AATK: variants seen among roughly 807,000 people sequenced by gnomAD.
The protein encoded by AATK is serine/threonine-protein kinase LMTK1.
AATK carries 91 observed loss-of-function variants against 114.3 expected under a neutral mutation model. That is an observed-to-expected ratio of 0.80 (90% confidence interval 0.67 to 0.95). AATK has a LOEUF of 0.95. Among genes scored for constraint, AATK ranks in the 40% least tolerant of loss-of-function variants. AATK has a pLI of 0.00. For synonymous variants in AATK, 1,075 were observed against 916.5 expected (o/e 1.17, Z -3.12); for missense variants, 2,176 against 1,965.2 (o/e 1.11, Z -2.03).
chr17:81,153,631 G>A (rs1294961034), intron 1 of AATK, among the ~76,000 whole-genome samples: 10 of 152,242 alleles, frequency 6.6e-5, no homozygotes, highest in South Asian at 2.1e-4. Flanking sequence ...TTGTTGCTCC[G>A]TCACCAGCAC....
At chr17:81,149,625 C>G (rs182284932) in intron 1 of AATK, among the ~76,000 whole-genome samples, 1 of 152,166 alleles carries the variant, frequency 6.6e-6, no homozygotes, top group Non-Finnish European at 1.5e-5. Context: ...GCACTGCCCG[C>G]GGCACCCCCA....
chr17:81,121,039 A>G lies in AATK; in HGVS notation c.2897T>C (p.Leu966Pro). The G allele has an allele frequency of 6.2e-7, 1 of 1,609,446 alleles. No homozygotes were observed. The highest frequency in any genetic ancestry group is 8.5e-7 in the Non-Finnish European group (1 of 1,178,656). The change falls in exon 11 of 14, where the codon CTG becomes CCG. Residue 966 changes from leucine (L) to proline (P), a missense_variant. Around this residue, in one of 4 missense-constraint regions of AATK, gnomAD observed 1,701 missense variants for 1,394.7 expected, o/e 1.22. Coordinates refer to ENST00000326724, the MANE Select transcript of AATK (RefSeq NM_001080395.3). Reference protein sequence around the residue: ...EGCEPQAFAELASEGEGPGPE... With the variant: ...EGCEPQAFAEPASEGEGPGPE... ...CCCGGGGCCCTCACCCTCTGAGGCC[A>G]GCTCCGCAAAGGCCTGGGGCTCACA...
intron 1 of AATK, among the ~76,000 whole-genome samples, chr17:81,142,843 A>C (rs1288186187): frequency 6.7e-6 from 1 of 150,210 alleles, no homozygotes; most frequent in Non-Finnish European, 1.5e-5. Flanking sequence ...TAACCACCCT[A>C]TCCACGGAGG....
chr17:81,160,327 C>T (rs2061415508), intron 1 of AATK: 27 of 906,588 alleles, frequency 3.0e-5, no homozygotes, highest in Non-Finnish European at 3.6e-5. Flanking sequence ...CAGCCCCACC[C>T]AAGGCCGCAG....
In AATK at chr17:81,126,687, C is replaced by G; in HGVS notation, c.622-127G>C. 6.9e-7 allele frequency: 1 copy of G among 1,444,806 alleles called. No individual in the cohort carries two copies. Among genetic ancestry groups the G allele is most frequent in the Non-Finnish European group, 9.1e-7 (1 of 1,097,902 alleles). 89.5% of individuals were successfully genotyped at this position (1,444,806 alleles called of 1,614,324 possible). ...GAGGGACAGCAGCTGCCCAGAGCAG[C>G]CTCGTGCCCTGCACAGTGGCCAGCA... is the stretch of plus-strand genomic sequence containing the variant. On this transcript the variant is annotated intron_variant, in intron 6 of 13. Coordinates refer to ENST00000326724, the MANE Select transcript of AATK (RefSeq NM_001080395.3). The surrounding 1 kb of genome is among the most constrained non-coding windows in gnomAD (Gnocchi z 5.1).
At chr17:81,158,460 C>T (rs1318550292) in intron 1 of AATK, among the ~76,000 whole-genome samples, 1 of 152,246 alleles carries the variant, frequency 6.6e-6, no homozygotes, top group African/African-American at 2.4e-5. Context: ...GCCGCAAGTG[C>T]TCTCACCTCG....
In AATK at chr17:81,151,361, C is replaced by T. The variant is rs543070196; in HGVS notation, c.55+14577G>A. ...ATCCCCCAGAAATGAAAGGACAGACCCTGTGCCTGGGATCAAGCATTAACT... is the reference window on the plus strand; with the variant it reads ...ATCCCCCAGAAATGAAAGGACAGACTCTGTGCCTGGGATCAAGCATTAACT... On this transcript the variant is annotated intron_variant, in intron 1 of 13. Transcript: ENST00000326724. Among the ~76,000 whole-genome samples the T allele has an allele frequency of 1.2e-3, 185 of 148,444 alleles. 1 individual carries two copies. Among genetic ancestry groups the T allele is most frequent in the Non-Finnish European group, 2.2e-3 (151 of 67,346 alleles).
chr17:81,131,216 G>T lies in AATK; in HGVS notation c.190-11C>A. On this transcript the variant is annotated splice_polypyrimidine_tract_variant and intron_variant, in intron 2 of 13. Transcript: ENST00000326724. ...CGCATTCTCAAACTCCTGCGGGCCG[G>T]GCCGGGCATGAGCGGGGCTTCTCGC... is the stretch of plus-strand genomic sequence containing the variant. The T allele has an allele frequency of 1.3e-6, 2 of 1,566,084 alleles. No homozygotes were observed. Among genetic ancestry groups the T allele is most frequent in the Non-Finnish European group, 1.7e-6 (2 of 1,160,024 alleles).
In AATK at chr17:81,121,451, G is replaced by A. The variant is rs2060698622; in HGVS notation, c.2485C>T (p.Pro829Ser). The A allele has an allele frequency of 4.4e-6, 7 of 1,592,970 alleles. No individual in the cohort carries two copies. The Admixed American group carries it at 6.9e-5, about 16-fold the overall frequency. ...GCAGACACCTCGCCACCAGTAGCAG[G>A]CGTGGGAGAGTCAGGCAGGGCATCA... is the stretch of plus-strand genomic sequence containing the variant. ...APDALPDSPTPATGGEVSAIK... is the reference protein window; with the variant it reads ...APDALPDSPTSATGGEVSAIK... Residue 829 changes from proline to serine, a missense_variant, in exon 11 of 14, where the codon CCT (proline) becomes TCT (serine). Physicochemically the swap from Pro to Ser is moderately conservative, Grantham distance 74. This residue lies in a region of AATK where 1,701 missense variants were observed against 1,394.7 expected (regional missense o/e 1.22). Coordinates refer to ENST00000326724, the MANE Select transcript of AATK (RefSeq NM_001080395.3).
Position 81,119,476 on chromosome 17 carries a change from T to C in AATK, c.3988A>G (p.Thr1330Ala), listed in dbSNP as rs748925031. 2 of 1,507,724 alleles carry C rather than the reference T, an allele frequency of 1.3e-6. No individual in the cohort carries two copies. The highest frequency in any genetic ancestry group is 1.8e-6 in the Non-Finnish European group (2 of 1,131,186). The allele number at this position is 1,507,724 out of a possible 1,614,324, so 93.4% of individuals were successfully genotyped here. Residue 1330 changes from threonine to alanine, a missense_variant, in exon 13 of 14, where the codon ACG becomes GCG. Physicochemically the swap from Thr to Ala is moderately conservative, Grantham distance 58 (BLOSUM62 0). Transcript: ENST00000326724. ...GTGAAGCGCGAGAAGGGAGCGGGCG[T>C]GGGCGTGGGCGCAGCCGGGGCGGGT... ...AAPAPAAPTP[T>A]PAPFSRFTVS...
rs2060830491 is a variant in AATK at position 81,126,627 on chromosome 17, C to G, written c.622-67G>C. ...GCTGGCCACCCTGGGAGGTCCCCACCTACCTCCCCAACTCCTCCACCCCTA... is the reference window on the plus strand; with the variant it reads ...GCTGGCCACCCTGGGAGGTCCCCACGTACCTCCCCAACTCCTCCACCCCTA... On this transcript the variant is annotated intron_variant, in intron 6 of 13. Coordinates refer to ENST00000326724, the MANE Select transcript of AATK (RefSeq NM_001080395.3). This position sits in a 1 kb window ranked among gnomAD's most constrained non-coding sequence, Gnocchi z 5.1. The G allele has an allele frequency of 6.7e-7, 1 of 1,499,850 alleles. No homozygotes were observed. The highest frequency in any genetic ancestry group is 2.1e-5 in the Admixed American group (1 of 47,528). The allele number at this position is 1,499,850 out of a possible 1,614,324, so 92.9% of individuals were successfully genotyped here. A position where few individuals can be genotyped will look rare whatever the true frequency, so the allele number is the denominator to read the frequency against.
chr17:81,123,581 G>T (rs2060732021), intron 9 of AATK, among the ~76,000 whole-genome samples: 1 of 152,210 alleles, frequency 6.6e-6, no homozygotes, highest in Non-Finnish European at 1.5e-5. Flanking sequence ...GGCCGGGCTG[G>T]CCGAATCCAT....
At chr17:81,152,911 C>T (rs1030414093) in intron 1 of AATK, among the ~76,000 whole-genome samples, 2 of 149,416 alleles carry the variant, frequency 1.3e-5, no homozygotes, top group African/African-American at 2.5e-5. Context: ...GGTGTGATCT[C>T]GGTTCACTGA....
In AATK at chr17:81,121,323, G is replaced by T; in HGVS notation, c.2613C>A (p.Phe871Leu). 1 of 1,611,206 alleles carries T rather than the reference G, an allele frequency of 6.2e-7. No homozygotes were observed. Among genetic ancestry groups the T allele is most frequent in the Non-Finnish European group, 8.5e-7 (1 of 1,179,650 alleles). The change falls in exon 11 of 14, where the codon TTC becomes TTA. Residue 871 changes from phenylalanine (F) to leucine (L), a missense_variant. Around this residue, in one of 4 missense-constraint regions of AATK, gnomAD observed 1,701 missense variants for 1,394.7 expected, o/e 1.22. Transcript: ENST00000326724. ...EDTAEATSGIFTDTSSDGLQA... is the reference protein window; with the variant it reads ...EDTAEATSGILTDTSSDGLQA... ...GCAGGCCGTCGCTGGACGTGTCGGT[G>T]AAGATGCCTGAGGTGGCCTCGGCCG... is the stretch of plus-strand genomic sequence containing the variant.
At position 81,121,512 on chromosome 17, in the gene AATK, T is replaced by TG; in HGVS notation, c.2423dup (p.Leu809ThrfsTer13). Reference sequence around the variant, plus strand: ...GGGCACTGGCCTCCTCCGAGGGAAGTGGGGCTCCCTCCTGGGATGGGGAGG... The same window carrying TG: ...GGGCACTGGCCTCCTCCGAGGGAAGTGGGGGCTCCCTCCTGGGATGGGGAGG... On this transcript the variant is annotated frameshift_variant, in exon 11 of 14. Transcript: ENST00000326724. LOFTEE classifies it high-confidence loss of function. The TG allele has an allele frequency of 6.5e-7, 1 of 1,547,098 alleles. No individual in the cohort carries two copies. The highest frequency in any genetic ancestry group is 8.7e-7 in the Non-Finnish European group (1 of 1,144,278).
rs1451692888 is a variant in AATK, at chr17:81,131,218, C to T, written c.190-13G>A. The T allele has an allele frequency of 6.4e-7, 1 of 1,564,880 alleles. No homozygotes were observed. The highest frequency in any genetic ancestry group is 1.8e-5 in the Admixed American group (1 of 55,440). ...CATTCTCAAACTCCTGCGGGCCGGG[C>T]CGGGCATGAGCGGGGCTTCTCGCAG... On this transcript the variant is annotated splice_polypyrimidine_tract_variant and intron_variant, in intron 2 of 13. Coordinates refer to ENST00000326724, the MANE Select transcript of AATK (RefSeq NM_001080395.3).
chr17:81,122,592 C>T lies in AATK; in HGVS notation c.1344G>A (p.Pro448=). The part of the protein sequence containing the change: ...VVELAAASSF[P]LLEQFAGDGF... ...CGTCGCCCGCGAACTGCTCCAGCAG[C>T]GGGAAGGACGAGGCAGCGGCGAGCT... Residue 448 remains proline (P), a synonymous_variant, in exon 11 of 14, where the codon CCG becomes CCA. Coordinates refer to ENST00000326724, the MANE Select transcript of AATK (RefSeq NM_001080395.3). The T allele has an allele frequency of 2.8e-6, 4 of 1,439,446 alleles. No individual in the cohort carries two copies. Among genetic ancestry groups the T allele is most frequent in the Admixed American group, 2.4e-5 (1 of 41,806 alleles). 89.2% of individuals were successfully genotyped at this position (1,439,446 alleles called of 1,614,324 possible).
chr17:81,140,962 A>AGCCGTGGG (rs1422696706), intron 1 of AATK, among the ~76,000 whole-genome samples: 1 of 83,112 alleles, frequency 1.2e-5, no homozygotes, highest in Non-Finnish European at 2.3e-5. Flanking sequence ...GGGGACCGTG[A>AGCCGTGGG]GCCGTGGGGC....
chr17:81,138,726 C>T (rs1359135504), intron 1 of AATK, among the ~76,000 whole-genome samples: 1 of 151,538 alleles, frequency 6.6e-6, no homozygotes, highest in Non-Finnish European at 1.5e-5. Context: ...CGCAAACCCA[C>T]ACATGCGCGC....
Sources: allele counts gnomAD v4.1 joint callset (sites outside exome capture counted in the v4.1 genomes callset), GRCh38; gene constraint gnomAD v4.1.1; regional missense constraint gnomAD v4.1.1; non-coding constraint Gnocchi (gnomAD v3.1); transcripts MANE v1.5; gene names NCBI Gene and HGNC (gene_info 2026-07-23, HGNC 2026-07-21).